The following CDH13 variants were observed in gnomAD, a reference collection of about 807,000 sequenced individuals.
CDH13 encodes cadherin-13.
Under a neutral mutation model 63.8 loss-of-function variants are expected in CDH13, and 24 were observed. The observed-to-expected ratio is 0.38, with a 90% CI of 0.27 to 0.53. CDH13 has a LOEUF of 0.53. CDH13 is among the 20% of genes least tolerant of loss of function. The probability of loss-of-function intolerance (pLI) is 0.85; values close to 1 mark genes in which losing one functional copy is unlikely to be tolerated. For missense variants in CDH13, 1,049 were observed against 903.1 expected (o/e 1.16, Z -2.07); for synonymous variants, 503 against 355.3 (o/e 1.42, Z -4.67).
chr16:82,901,526 CA>C (rs1261401050), intron 2 of CDH13, among the ~76,000 whole-genome samples: 3 of 151,928 alleles, frequency 2.0e-5, no homozygotes, highest in African/African-American at 7.3e-5. Flanking sequence ...GTGAATAGAT[CA>C]AAGAATGAAT....
At chr16:83,045,634 T>TAAAAAAAAAAAAAAAA (rs71382861) in intron 3 of CDH13, among the ~76,000 whole-genome samples, 11 of 107,914 alleles carry the variant, frequency 1.0e-4, no homozygotes, top group African/African-American at 3.3e-4. Flanking sequence ...AAGATTCCTT[T>TAAAAAAAAAAAAAAAA]AAAAAAAAAA....
intron 5 of CDH13, among the ~76,000 whole-genome samples, chr16:83,310,227 T>C (rs1325274839): frequency 6.6e-6 from 1 of 152,194 alleles, no homozygotes; most frequent in East Asian, 1.9e-4. Context: ...ATGTCTGTAA[T>C]ATTCCCTGTC....
At chr16:82,774,455 T>A (rs1005951051) in intron 1 of CDH13, among the ~76,000 whole-genome samples, 3 of 152,110 alleles carry the variant, frequency 2.0e-5, no homozygotes, top group Non-Finnish European at 4.4e-5. Context: ...GAAATATACA[T>A]AACATAGAGG....
intron 5 of CDH13, among the ~76,000 whole-genome samples, chr16:83,259,276 A>G (rs1281020274): frequency 6.6e-6 from 1 of 152,190 alleles, no homozygotes; most frequent in East Asian, 1.9e-4. Context: ...TCTGGTATCC[A>G]CGTCATTGAA....
chr16:82,711,194 T>G (rs1254386811), intron 1 of CDH13, among the ~76,000 whole-genome samples: 1 of 152,170 alleles, frequency 6.6e-6, no homozygotes, highest in Non-Finnish European at 1.5e-5. Flanking sequence ...ATAATGACTA[T>G]GAGGGACACA....
intron 3 of CDH13, among the ~76,000 whole-genome samples, chr16:83,117,651 C>G (rs187544869): frequency 6.6e-6 from 1 of 152,042 alleles, no homozygotes; most frequent in African/African-American, 2.4e-5. Flanking sequence ...TTGGTTGATA[C>G]GTTTTGAAGA....
rs1190467524 is a variant in CDH13 at position 83,758,693 on chromosome 16, A to G, written c.1681+10443A>G. Among the ~76,000 whole-genome samples, 3 of 152,246 alleles carry G rather than the reference A, an allele frequency of 2.0e-5. No homozygotes were observed. The East Asian group carries it at 5.8e-4, about 29-fold the overall frequency. On this transcript the variant is annotated intron_variant, in intron 11 of 13. Coordinates refer to ENST00000567109, the MANE Select transcript of CDH13 (RefSeq NM_001257.5). ...CTGATTTTAGTAAAGGTCATCAGGT[A>G]TAAGATCAGTATACACAATTAATTG... is the stretch of plus-strand genomic sequence containing the variant.
At chr16:83,414,950 G>A (rs1315419579) in intron 6 of CDH13, among the ~76,000 whole-genome samples, 5 of 152,068 alleles carry the variant, frequency 3.3e-5, no homozygotes, top group Non-Finnish European at 7.4e-5. Flanking sequence ...ATACCCAGAA[G>A]TGGGTTGCTG....
intron 10 of CDH13, among the ~76,000 whole-genome samples, chr16:83,704,300 A>T (rs995844059): frequency 6.6e-6 from 1 of 152,162 alleles, no homozygotes; most frequent in African/African-American, 2.4e-5. Context: ...CAAAAATAAC[A>T]ATCTTACCCT....
intron 2 of CDH13, among the ~76,000 whole-genome samples, chr16:82,986,696 C>G (rs1420222150): frequency 1.3e-5 from 2 of 152,198 alleles, no homozygotes; most frequent in Non-Finnish European, 2.9e-5. Context: ...CAAGCCTTTG[C>G]TTGAACTACA....
intron 1 of CDH13, among the ~76,000 whole-genome samples, chr16:82,845,178 G>C (rs1376692548): frequency 6.6e-6 from 1 of 152,174 alleles, no homozygotes; most frequent in African/African-American, 2.4e-5. Context: ...CACTGCTGTA[G>C]ACAGCCAGGG....
intron 6 of CDH13, among the ~76,000 whole-genome samples, chr16:83,468,607 A>T (rs1339839204): frequency 6.6e-6 from 1 of 152,202 alleles, no homozygotes; most frequent in Admixed American, 6.5e-5. Flanking sequence ...CACTTGTGTG[A>T]GGCGTAGGGC....
chr16:83,424,816 T>C (rs900816036), intron 6 of CDH13, among the ~76,000 whole-genome samples: 3 of 152,144 alleles, frequency 2.0e-5, no homozygotes, highest in African/African-American at 7.2e-5. Flanking sequence ...AATCCCAAGG[T>C]TGATTAGACA....
At chr16:83,497,312 C>G (rs1171686430) in intron 7 of CDH13, among the ~76,000 whole-genome samples, 2 of 151,914 alleles carry the variant, frequency 1.3e-5, no homozygotes, top group African/African-American at 4.8e-5. Context: ...ACATATACAC[C>G]ATGGAATACT....
chr16:83,146,913 C>T (rs1567876105), intron 4 of CDH13, among the ~76,000 whole-genome samples: 1 of 152,162 alleles, frequency 6.6e-6, no homozygotes, highest in Non-Finnish European at 1.5e-5. Context: ...CATGGTGAAA[C>T]CCTGTCTCTA....
At chr16:83,678,957 C>G (rs1361015514) in intron 10 of CDH13, among the ~76,000 whole-genome samples, 1 of 152,204 alleles carries the variant, frequency 6.6e-6, no homozygotes, top group African/African-American at 2.4e-5. Context: ...ACAGGACACT[C>G]TGCAAAGTTC....
intron 11 of CDH13, among the ~76,000 whole-genome samples, chr16:83,776,626 C>G (rs1013710011): frequency 6.6e-6 from 1 of 152,318 alleles, no homozygotes; most frequent in Middle Eastern, 3.4e-3. Context: ...TGCTCAGCTT[C>G]CTTTAAGCTG....
intron 6 of CDH13, among the ~76,000 whole-genome samples, chr16:83,387,315 C>G (rs1266796571): frequency 1.3e-5 from 2 of 152,178 alleles, no homozygotes; most frequent in Non-Finnish European, 2.9e-5. Context: ...CTGGAAAGTT[C>G]TTATTCTCCA....
At chr16:83,242,926 A>G (rs1168191435) in intron 5 of CDH13, among the ~76,000 whole-genome samples, 1 of 152,228 alleles carries the variant, frequency 6.6e-6, no homozygotes, top group Non-Finnish European at 1.5e-5. Context: ...CTTTGAGCAT[A>G]TACCATGTGT....
Sources: allele counts gnomAD v4.1 joint callset (sites outside exome capture counted in the v4.1 genomes callset), GRCh38; gene constraint gnomAD v4.1.1; transcripts MANE v1.5; gene names NCBI Gene and HGNC (gene_info 2026-07-23, HGNC 2026-07-21).